The following DIP2A variants were observed in gnomAD, a reference collection of about 807,000 sequenced individuals.
DIP2A encodes disco-interacting protein 2 homolog A.
Under a neutral mutation model 177.4 loss-of-function variants are expected in DIP2A, and 85 were observed. The observed-to-expected ratio is 0.48, with a 90% CI of 0.40 to 0.57. The LOEUF is 0.57. Among genes scored for constraint, DIP2A ranks in the 20% least tolerant of loss-of-function variants. The probability of loss-of-function intolerance (pLI) is 0.00; values close to 1 mark genes in which losing one functional copy is unlikely to be tolerated. For missense variants in DIP2A, 1,791 were observed against 2,100.2 expected, an observed-to-expected ratio of 0.85 and a Z score of 2.88; for synonymous variants, 886 against 881.8, an observed-to-expected ratio of 1.00 and a Z score of -0.08.
chr21:46,543,516 C>A (rs1471891034), intron 18 of DIP2A, among the ~76,000 whole-genome samples: 1 of 69,146 alleles, frequency 1.4e-5, no homozygotes, highest in Non-Finnish European at 3.2e-5. Context: ...CAGCGCTCCC[C>A]CTCTGCCAGG....
chr21:46,459,960 G>C (rs946730811), intron 1 of DIP2A, among the ~76,000 whole-genome samples: 1 of 152,088 alleles, frequency 6.6e-6, no homozygotes, highest in African/African-American at 2.4e-5. Context: ...CTTGGTCTGG[G>C]CTTCACCAGG....
chr21:46,524,460 T>C (rs1347973728), intron 8 of DIP2A, among the ~76,000 whole-genome samples: 1 of 152,174 alleles, frequency 6.6e-6, no homozygotes, highest in Non-Finnish European at 1.5e-5. Context: ...AGTCGGCCAA[T>C]TGGTGCTGTG....
chr21:46,503,643 TTC>T (rs1187197738), intron 5 of DIP2A, among the ~76,000 whole-genome samples: 1 of 113,380 alleles, frequency 8.8e-6, no homozygotes, highest in Non-Finnish European at 1.8e-5. Context: ...TTTCCTTTCT[TTC>T]TTTCTTTTTC....
rs10672432 is a variant in DIP2A, at chr21:46,547,656, CTTTT to C, written c.2522+637_2522+640del. 5.2e-4 allele frequency among the ~76,000 whole-genome samples: 40 copies of C among 76,388 alleles called. 1 individual carries two copies. Among genetic ancestry groups the C allele is most frequent in the African/African-American group, 1.4e-3 (24 of 17,712 alleles). 50.1% of individuals were successfully genotyped at this position (76,388 alleles called of 152,430 possible). On this transcript the variant is annotated intron_variant, in intron 21 of 37. Coordinates refer to ENST00000417564, the MANE Select transcript of DIP2A (RefSeq NM_015151.4). ...AATTTTATTTTTCTCAAGGGGGTGC[CTTTT>C]TTTTTTTTTTTTTTTTTTTTTTAAA...
intron 6 of DIP2A, among the ~76,000 whole-genome samples, chr21:46,505,312 A>G (rs1023248259): frequency 2.0e-4 from 31 of 152,192 alleles, no homozygotes; most frequent in Non-Finnish European, 3.5e-4. Flanking sequence ...GCACATATTT[A>G]AAGTGTACAG....
intron 36 of DIP2A, 103 bp from the exon 37 acceptor site, chr21:46,566,457 C>A: frequency 1.3e-6 from 2 of 1,502,318 alleles, no homozygotes; most frequent in Non-Finnish European, 1.8e-6. Flanking sequence ...TCAGTTGAGA[C>A]CTCCCTGTGC....
At chr21:46,538,426 G>A (rs1268367755) in intron 15 of DIP2A, 57 bp from the exon 16 acceptor site, 22 of 1,526,762 alleles carry the variant, frequency 1.4e-5, no homozygotes, top group East Asian at 9.8e-5. Context: ...GTCTGTAGGC[G>A]TGTGAGGGTG....
In DIP2A at chr21:46,532,194, C is replaced by T. The variant is rs1477486157; in HGVS notation, c.1262C>T (p.Ala421Val). Residue 421 changes from alanine to valine, a missense_variant, in exon 10 of 38, where the codon GCA (alanine) becomes GTA (valine). Ala to Val is a moderately conservative substitution (Grantham distance 64). Transcript: ENST00000417564. ...GTTGCATTTTATGGGTGTCTCCTGGCAGAGCTGGTTCCTGTCCCCATAGAA... is the reference window on the plus strand; with the variant it reads ...GTTGCATTTTATGGGTGTCTCCTGGTAGAGCTGGTTCCTGTCCCCATAGAA... ...FMVAFYGCLL[A>V]ELVPVPIEVP... The T allele has an allele frequency of 6.2e-7, 1 of 1,613,894 alleles. No homozygotes were observed. Among genetic ancestry groups the T allele is most frequent in the Non-Finnish European group, 8.5e-7 (1 of 1,179,840 alleles).
intron 23 of DIP2A, 139 bp downstream of exon 23, chr21:46,550,883 G>C: frequency 1.1e-6 from 1 of 886,880 alleles, no homozygotes. Flanking sequence ...CAGAGCGAGT[G>C]TGCACCCCAG....
At chr21:46,530,142 G>A (rs752101610) in intron 9 of DIP2A, among the ~76,000 whole-genome samples, 4 of 152,108 alleles carry the variant, frequency 2.6e-5, no homozygotes, top group East Asian at 3.8e-4. Context: ...GGACCAGACC[G>A]GAGGACCCTG....
rs1485438075 is a variant in DIP2A at position 46,556,133 on chromosome 21, CAGG to C, written c.3498+48_3498+50del. Reference sequence around the variant, plus strand: ...CTTGTTTGCTTCAGCCCCTAGAAATCAGGAGGAGTGGACAGAAAGGATGTCAGA... The same window carrying C: ...CTTGTTTGCTTCAGCCCCTAGAAATCAGGAGTGGACAGAAAGGATGTCAGA... On this transcript the variant is annotated intron_variant, in intron 29 of 37. Transcript: ENST00000417564. The surrounding 1 kb of genome is among the most constrained non-coding windows in gnomAD (Gnocchi z 4.5). The C allele has an allele frequency of 7.7e-6, 12 of 1,552,240 alleles. No individual in the cohort carries two copies. Among genetic ancestry groups the C allele is most frequent in the Non-Finnish European group, 1.1e-5 (12 of 1,124,746 alleles).
chr21:46,459,244 ACCCCCGCGACCCGCCCTCAG>A, intron 1 of DIP2A, 22 bp downstream of exon 1: 6 of 1,503,562 alleles, frequency 4.0e-6, no homozygotes, highest in African/African-American at 1.5e-5. Context: ...CCCGCCCTCA[ACCCCCGCGACCCGCCCTCAG>A]CCCGGTCCCC....
At chr21:46,554,786 G>GGGGGGGGCC in intron 27 of DIP2A, 36 bp from the exon 28 acceptor site, 2 of 1,519,102 alleles carry the variant, frequency 1.3e-6, no homozygotes, top group Non-Finnish European at 1.8e-6. Context: ...AGCTTGAGAG[G>GGGGGGGGCC]CCCCGCCCAC....
chr21:46,559,851 G>C (rs1313225709), intron 32 of DIP2A, among the ~76,000 whole-genome samples: 2 of 152,184 alleles, frequency 1.3e-5, no homozygotes, highest in African/African-American at 4.8e-5. Context: ...GGCTGGGAAA[G>C]CTGGCTGAGC....
At position 46,557,657 on chromosome 21, in the gene DIP2A, G is replaced by A. The variant is rs530550861; in HGVS notation, c.3702G>A (p.Ser1234=). The A allele has an allele frequency of 5.0e-6, 8 of 1,612,474 alleles. No homozygotes were observed. The highest frequency in any genetic ancestry group is 3.3e-5 in the South Asian group (3 of 91,042). ...ELESNVSLWL[S]AVSQYKARVT... ...AGAGCAACGTGTCCCTGTGGCTGTC[G>A]GCCGTCAGCCAGTACAAGGCCCGCG... The change falls in exon 31 of 38, where the codon TCG becomes TCA. Residue 1234 remains serine, a synonymous_variant. Transcript: ENST00000417564. This position sits in a 1 kb window ranked among gnomAD's most constrained non-coding sequence, Gnocchi z 6.0.
intron 8 of DIP2A, among the ~76,000 whole-genome samples, chr21:46,517,607 G>A (rs57078525): frequency 0.051 from 7,713 of 152,246 alleles, 544 homozygotes; most frequent in African/African-American, 0.16. Context: ...CTTCCCAGCC[G>A]TGGCGTTGGT....
chr21:46,540,293 C>CT (rs1195031349), intron 17 of DIP2A, among the ~76,000 whole-genome samples: 1 of 152,186 alleles, frequency 6.6e-6, no homozygotes, highest in African/African-American at 2.4e-5. Context: ...CCTAGGAACT[C>CT]TTTCTTACTC....
At chr21:46,574,089 A>G (rs957196504), downstream of DIP2A, among the ~76,000 whole-genome samples, 4 of 152,220 alleles carry the variant, frequency 2.6e-5, no homozygotes, top group Non-Finnish European at 5.9e-5. Context: ...ATTTTCCAGG[A>G]TAGACAACAT....
Position 46,556,686 on chromosome 21 carries a change from A to C in DIP2A, c.3499-253A>C. The C allele has an allele frequency of 2.5e-6, 1 of 406,954 alleles. No homozygotes were observed. The highest frequency in any genetic ancestry group is 4.4e-6 in the Non-Finnish European group (1 of 229,010). The allele number at this position is 406,954 out of a possible 1,614,324, so 25.2% of individuals were successfully genotyped here. A position where few individuals can be genotyped will look rare whatever the true frequency, so the allele number is the denominator to read the frequency against. On this transcript the variant is annotated intron_variant, in intron 29 of 37. Transcript: ENST00000417564. The surrounding 1 kb of genome is among the most constrained non-coding windows in gnomAD (Gnocchi z 4.5). Reference sequence around the variant, plus strand: ...CGACAGAGCAAGACTCTGCCTCAAAAAAAAAAAAAAGAAAAAAATTTTAAA... The same window carrying C: ...CGACAGAGCAAGACTCTGCCTCAAACAAAAAAAAAAGAAAAAAATTTTAAA...
Sources: gnomAD v4.1 joint callset for allele counts (sites outside exome capture counted in the v4.1 genomes callset) on GRCh38, gnomAD v4.1.1 for gene constraint, Gnocchi (gnomAD v3.1) non-coding constraint, MANE v1.5 for transcripts, NCBI Gene and HGNC (gene_info 2026-07-23, HGNC 2026-07-21) for gene names.